The following NFE2L2 variants were observed in gnomAD, a reference collection of about 807,000 sequenced individuals.
The protein encoded by NFE2L2 is NFE2 like bZIP transcription factor 2, also known as nuclear factor erythroid 2-related factor 2.
A neutral mutation model predicts 49.6 loss-of-function variants in NFE2L2; 20 were observed. The ratio of observed to expected loss-of-function variants is 0.40; its 90% CI spans 0.28 to 0.59. NFE2L2 has a LOEUF of 0.59. NFE2L2 is among the 20% of genes least tolerant of loss of function. The probability of loss-of-function intolerance (pLI) is 0.40; values close to 1 mark genes in which losing one functional copy is unlikely to be tolerated. For synonymous variants in NFE2L2, 244 were observed against 256.5 expected (o/e 0.95, Z 0.47); for missense variants, 578 against 714.2 (o/e 0.81, Z 2.17).
intron 1 of NFE2L2, among the ~76,000 whole-genome samples, chr2:177,239,267 G>A (rs1403251336): frequency 1.3e-5 from 2 of 152,140 alleles, no homozygotes; most frequent in Non-Finnish European, 2.9e-5. Flanking sequence ...CACCAAGAAT[G>A]CCACCAAATG....
chr2:177,255,719 C>T (rs1250362105), intron 1 of NFE2L2, among the ~76,000 whole-genome samples: 1 of 152,012 alleles, frequency 6.6e-6, no homozygotes, highest in Non-Finnish European at 1.5e-5. Context: ...ACCACTGGAT[C>T]CAGCTAATTT....
intron 1 of NFE2L2, among the ~76,000 whole-genome samples, chr2:177,256,815 T>C (rs769045909): frequency 2.0e-5 from 3 of 152,186 alleles, no homozygotes; most frequent in Non-Finnish European, 2.9e-5. Context: ...CCTGGCAACC[T>C]TGGCTGTGGA....
rs554153945 is a variant in NFE2L2 at position 177,253,764 on chromosome 2, G to A, written c.45+10768C>T. ...TAAATTATTTCTTGGATATGCTACC[G>A]GAAATAAAGTACGATATCTTAAGAA... is the stretch of plus-strand genomic sequence containing the variant. On this transcript the variant is annotated intron_variant, in intron 1 of 4. Coordinates refer to ENST00000397062, the MANE Select transcript of NFE2L2 (RefSeq NM_006164.5). Among the ~76,000 whole-genome samples the A allele has an allele frequency of 5.9e-5, 9 of 152,068 alleles. No individual in the cohort carries two copies. The East Asian group carries it at 1.5e-3, about 26-fold the overall frequency.
intron 1 of NFE2L2, among the ~76,000 whole-genome samples, chr2:177,260,574 G>A (rs192396116): frequency 6.6e-6 from 1 of 152,076 alleles, no homozygotes; most frequent in African/African-American, 2.4e-5. Context: ...TTGAATTTGC[G>A]CCATCAGCTT....
Position 177,232,034 on chromosome 2 carries a change from TATAA to T in NFE2L2, c.595-30_595-27del, listed in dbSNP as rs771644626. On this transcript the variant is annotated intron_variant, in intron 4 of 4. Coordinates refer to ENST00000397062, the MANE Select transcript of NFE2L2 (RefSeq NM_006164.5). Reference sequence around the variant, plus strand: ...CTGCATGAGAAGGAAGTTTATACTATATAAATCAAAGTTAATCCATGATAATACG... The same window carrying T: ...CTGCATGAGAAGGAAGTTTATACTATATCAAAGTTAATCCATGATAATACG... 8.2e-5 allele frequency: 126 copies of T among 1,545,026 alleles called. No individual in the cohort carries two copies. The Middle Eastern group carries it at 1.2e-3, about 15-fold the overall frequency.
rs569966409 is a variant in NFE2L2 at position 177,254,570 on chromosome 2, G to A, written c.45+9962C>T. On this transcript the variant is annotated intron_variant, in intron 1 of 4. Transcript: ENST00000397062. ...TGGGGCACTTTCTGCTTGTCACAGC[G>A]ATCCGTGGAACAGGACTCTGCTCCA... 8.5e-5 allele frequency among the ~76,000 whole-genome samples: 13 copies of A among 152,264 alleles called. No individual in the cohort carries two copies. In the South Asian group the frequency reaches 1.7e-3, roughly 19 times the overall value.
chr2:177,247,807 G>A (rs1163698839), intron 1 of NFE2L2, among the ~76,000 whole-genome samples: 1 of 151,784 alleles, frequency 6.6e-6, no homozygotes, highest in East Asian at 1.9e-4. Flanking sequence ...ATTTTCATTT[G>A]TGCCTTTGGA....
intron 1 of NFE2L2, among the ~76,000 whole-genome samples, chr2:177,261,589 C>T (rs1690745274): frequency 6.6e-6 from 1 of 152,198 alleles, no homozygotes; most frequent in Admixed American, 6.5e-5. Context: ...TTCTCTATGC[C>T]TCTCTCCTAA....
chr2:177,246,700 A>G (rs1690144454), intron 1 of NFE2L2, among the ~76,000 whole-genome samples: 1 of 151,642 alleles, frequency 6.6e-6, no homozygotes, highest in East Asian at 1.9e-4. Flanking sequence ...CCTGGGCTCA[A>G]GCAATCTTCC....
chr2:177,232,367 C>A, intron 4 of NFE2L2, 25 bp downstream of exon 4: 1 of 1,583,194 alleles, frequency 6.3e-7, no homozygotes, highest in South Asian at 1.1e-5. Context: ...AAAAAATCTC[C>A]AGTATTACAT....
chr2:177,248,621 C>T (rs958146285), intron 1 of NFE2L2, among the ~76,000 whole-genome samples: 3 of 152,198 alleles, frequency 2.0e-5, no homozygotes, highest in Admixed American at 1.3e-4. Flanking sequence ...GTTGGTCAGG[C>T]TGGTCTCGAT....
intron 1 of NFE2L2, among the ~76,000 whole-genome samples, chr2:177,247,229 A>C (rs1039639353): frequency 6.6e-6 from 1 of 152,092 alleles, no homozygotes; most frequent in Non-Finnish European, 1.5e-5. Context: ...TGTCCTTCAC[A>C]CCTTGTATCA....
chr2:177,232,692 C>A, intron 3 of NFE2L2, 109 bp from the exon 4 acceptor site: 4 of 1,061,706 alleles, frequency 3.8e-6, no homozygotes, highest in Non-Finnish European at 5.4e-6. Flanking sequence ...CTGTGTCTCT[C>A]TACTTACTAA....
At chr2:177,241,086 T>TA (rs938247051) in intron 1 of NFE2L2, among the ~76,000 whole-genome samples, 1 of 151,966 alleles carries the variant, frequency 6.6e-6, no homozygotes, top group African/African-American at 2.4e-5. Flanking sequence ...AATAAACTGT[T>TA]AAAAAAAATT....
chr2:177,243,190 T>C (rs528600613), intron 1 of NFE2L2, among the ~76,000 whole-genome samples: 5 of 152,228 alleles, frequency 3.3e-5, no homozygotes, highest in African/African-American at 1.2e-4. Context: ...CCCTGCCATA[T>C]TACCAACAGA....
chr2:177,244,707 C>A (rs1286103049), intron 1 of NFE2L2, among the ~76,000 whole-genome samples: 1 of 152,078 alleles, frequency 6.6e-6, no homozygotes, highest in Non-Finnish European at 1.5e-5. Flanking sequence ...CAAGAACACA[C>A]AAGAAGTAAA....
chr2:177,237,392 G>T (rs1278606436), intron 1 of NFE2L2, among the ~76,000 whole-genome samples: 1 of 152,164 alleles, frequency 6.6e-6, no homozygotes, highest in African/African-American at 2.4e-5. Flanking sequence ...TTCTCAGGGG[G>T]ATTCCCACTA....
chr2:177,230,358 T>G lies in NFE2L2; in HGVS notation c.*427A>C, dbSNP rs1689493937. ...TAGTACCAGCTCTTAAAATTTTTTT[T>G]TTTTGCCAGAGCTAAACAATTTAAT... On this transcript the variant is annotated 3_prime_UTR_variant, in exon 5 of 5. Coordinates refer to ENST00000397062, the MANE Select transcript of NFE2L2 (RefSeq NM_006164.5). 4.3e-6 allele frequency: 1 copy of G among 232,676 alleles called. No homozygotes were observed. Among genetic ancestry groups the G allele is most frequent in the Non-Finnish European group, 8.5e-6 (1 of 117,616 alleles). 14.4% of individuals were successfully genotyped at this position (232,676 alleles called of 1,614,324 possible).
intron 1 of NFE2L2, among the ~76,000 whole-genome samples, chr2:177,251,833 G>A (rs981995437): frequency 2.0e-5 from 3 of 151,804 alleles, no homozygotes; most frequent in African/African-American, 4.8e-5. Context: ...GTGAAACTCC[G>A]TCTCTACTAA....
Sources: allele counts gnomAD v4.1 joint callset (sites outside exome capture counted in the v4.1 genomes callset), GRCh38; gene constraint gnomAD v4.1.1; transcripts MANE v1.5; gene names NCBI Gene and HGNC (gene_info 2026-07-23, HGNC 2026-07-21).